Variants in MRPL20 observed in about 807,000 individuals in gnomAD.
MRPL20 encodes the protein large ribosomal subunit protein bL20m.
A neutral mutation model predicts 20.0 loss-of-function variants in MRPL20; 21 were observed. That is an observed-to-expected ratio of 1.05 (90% CI 0.74 to 1.51). The LOEUF (loss-of-function observed/expected upper bound fraction) is 1.51, where lower values mean the gene tolerates loss of function less well. MRPL20 is among the 40% of genes most tolerant of loss of function. The probability of loss-of-function intolerance (pLI) is 0.00; values close to 1 mark genes in which losing one functional copy is unlikely to be tolerated. For missense variants in MRPL20, 252 were observed against 185.6 expected (o/e 1.36, Z -2.08); for synonymous variants, 104 against 73.0 (o/e 1.43, Z -2.17).
rs1344403131 is a variant in MRPL20 at position 1,402,247 on chromosome 1, C to T, written c.286G>A (p.Glu96Lys). ...LIGNLVKCQV[E>K]LNRKVLADLA... Reference sequence around the variant, plus strand: ...TCCGCTAGGACTTTCCTGTTGAGCTCCACCTGGCACTGAAAAAAGAATGAA... The same window carrying T: ...TCCGCTAGGACTTTCCTGTTGAGCTTCACCTGGCACTGAAAAAAGAATGAA... Residue 96 changes from glutamate to lysine, a missense_variant, in exon 4 of 4, where the codon GAG becomes AAG. Physicochemically the swap from Glu to Lys is moderately conservative, Grantham distance 56 (BLOSUM62 1). Transcript: ENST00000344843. The T allele has an allele frequency of 1.9e-6, 3 of 1,608,238 alleles. No individual in the cohort carries two copies. The highest frequency in any genetic ancestry group is 2.5e-6 in the Non-Finnish European group (3 of 1,177,394).
At chr1:1,403,081 A>C (rs1036161463) in intron 3 of MRPL20, among the ~76,000 whole-genome samples, 3 of 150,270 alleles carry the variant, frequency 2.0e-5, no homozygotes, top group Non-Finnish European at 4.4e-5. Context: ...GTGAGCCAAG[A>C]TCGCGCCACT....
chr1:1,402,407 A>C lies in MRPL20; in HGVS notation c.277-151T>G, dbSNP rs1051463839. 8.6e-6 allele frequency: 12 copies of C among 1,396,014 alleles called. No individual in the cohort carries two copies. The Admixed American group carries it at 2.6e-4, about 31-fold the overall frequency. The allele number at this position is 1,396,014 out of a possible 1,614,324, so 86.5% of individuals were successfully genotyped here. A position where few individuals can be genotyped will look rare whatever the true frequency, so the allele number is the denominator to read the frequency against. On this transcript the variant is annotated intron_variant, in intron 3 of 3. Coordinates refer to ENST00000344843, the MANE Select transcript of MRPL20 (RefSeq NM_017971.4). ...GAATCCTATCTGGGTGGCACAGCAG[A>C]GGACTTCCAGGCAGGATGCTGAAGG...
chr1:1,402,660 G>C (rs1422416040), intron 3 of MRPL20: 2 of 976,360 alleles, frequency 2.0e-6, no homozygotes, highest in Non-Finnish European at 2.4e-6. Flanking sequence ...TTAAGGAGTA[G>C]AAAAGGGGGG....
chr1:1,407,011 C>G lies in MRPL20; in HGVS notation c.96G>C (p.Arg32=), dbSNP rs1248059031. ...ACCTGTAGCAGCGATTTTTCCTTCC[C>G]CGGAAGTGCTGGGACAGAAAACGAG... ...QEVLKHARHF[R]GRKNRCYRLA... Residue 32 remains arginine, a synonymous_variant, in exon 2 of 4, where the codon CGG becomes CGC. Coordinates refer to ENST00000344843, the MANE Select transcript of MRPL20 (RefSeq NM_017971.4). The G allele has an allele frequency of 5.6e-6, 9 of 1,613,580 alleles. No homozygotes were observed. In the Admixed American group the frequency reaches 1.3e-4, roughly 24 times the overall value.
At chr1:1,403,867 A>C (rs1026410600) in intron 3 of MRPL20, among the ~76,000 whole-genome samples, 2 of 149,864 alleles carry the variant, frequency 1.3e-5, no homozygotes, top group African/African-American at 2.5e-5. Flanking sequence ...GTTGAGACAC[A>C]GTCACACACT....
chr1:1,402,349 GCACACT>G, intron 3 of MRPL20, 93 bp from the exon 4 acceptor site: 1 of 1,480,294 alleles, frequency 6.8e-7, no homozygotes, highest in Admixed American at 2.4e-5. Context: ...GAACCCAGCT[GCACACT>G]CGCCTGGGGG....
intron 3 of MRPL20, 97 bp from the exon 4 acceptor site, chr1:1,402,353 A>C: frequency 6.8e-7 from 1 of 1,468,270 alleles, no homozygotes; most frequent in Non-Finnish European, 9.0e-7. Context: ...CCAGCTGCAC[A>C]CTCGCCTGGG....
chr1:1,406,133 A>T, intron 2 of MRPL20: 1 of 450,768 alleles, frequency 2.2e-6, no homozygotes, highest in Non-Finnish European at 4.0e-6. Context: ...AGGCAGGCAG[A>T]TCATTTCAGA....
intron 3 of MRPL20, among the ~76,000 whole-genome samples, chr1:1,403,707 G>A (rs1163785139): frequency 6.6e-6 from 1 of 152,038 alleles, no homozygotes; most frequent in East Asian, 1.9e-4. Context: ...AGAGGGACTA[G>A]CATAATGACC....
intron 2 of MRPL20, 133 bp downstream of exon 2, chr1:1,406,776 T>G: frequency 1.3e-6 from 1 of 773,622 alleles, no homozygotes; most frequent in Admixed American, 2.0e-5. Flanking sequence ...ACATAATTTG[T>G]CGGAGTTTCG....
rs1645392877 is a variant in MRPL20, at chr1:1,407,129, A to G, written c.87+2T>C. ...TGCCCAGGCCGGGCAGGCGGCACTC[A>G]CCCTGGCGTGCTTCAGCACCTCCTG... is the stretch of plus-strand genomic sequence containing the variant. On this transcript the variant is annotated splice_donor_variant, in intron 1 of 3. Transcript: ENST00000344843. LOFTEE classifies it high-confidence loss of function. 6.2e-7 allele frequency: 1 copy of G among 1,606,766 alleles called. No homozygotes were observed. Among genetic ancestry groups the G allele is most frequent in the African/African-American group, 1.3e-5 (1 of 74,730 alleles).
chr1:1,406,050 C>G, intron 2 of MRPL20, 164 bp from the exon 3 acceptor site: 1 of 1,103,112 alleles, frequency 9.1e-7, no homozygotes, highest in Middle Eastern at 3.1e-4. Flanking sequence ...GACCCTGTTT[C>G]AAAATTAAAA....
In MRPL20 at chr1:1,403,127, C is replaced by CAAA. The variant is rs113198351; in HGVS notation, c.277-874_277-872dup. ...CTGAGCAACAGAGTGAGATTGTATCCAAAAAAAAAAAGGAACAAAAACACA... is the reference window on the plus strand; with the variant it reads ...CTGAGCAACAGAGTGAGATTGTATCCAAAAAAAAAAAAAAGGAACAAAAACACA... On this transcript the variant is annotated intron_variant, in intron 3 of 3. Coordinates refer to ENST00000344843, the MANE Select transcript of MRPL20 (RefSeq NM_017971.4). Among the ~76,000 whole-genome samples, 57 of 138,484 alleles carry CAAA rather than the reference C, an allele frequency of 4.1e-4. 1 individual carries two copies. The highest frequency in any genetic ancestry group is 1.5e-3 in the African/African-American group (54 of 36,630). 90.9% of individuals were successfully genotyped at this position (138,484 alleles called of 152,430 possible).
At chr1:1,405,419 T>C (rs1645373390) in intron 3 of MRPL20, 2 of 578,446 alleles carry the variant, frequency 3.5e-6, no homozygotes, top group Admixed American at 3.1e-5. Context: ...TGACATTACA[T>C]GTCTCTGTAC....
At chr1:1,404,278 C>G (rs911941181) in intron 3 of MRPL20, among the ~76,000 whole-genome samples, 21 of 151,432 alleles carry the variant, frequency 1.4e-4, no homozygotes, top group African/African-American at 4.9e-4. Flanking sequence ...CTCAGCCTCC[C>G]GAGTAGCTGG....
chr1:1,406,778 G>T (rs1645388705), intron 2 of MRPL20, 131 bp downstream of exon 2: 1 of 785,574 alleles, frequency 1.3e-6, no homozygotes. Flanking sequence ...ATAATTTGTC[G>T]GAGTTTCGAA....
At chr1:1,402,854 C>T (rs895104210) in intron 3 of MRPL20, among the ~76,000 whole-genome samples, 7 of 152,126 alleles carry the variant, frequency 4.6e-5, no homozygotes, top group East Asian at 3.9e-4. Flanking sequence ...CAAGGCCAGG[C>T]GCGGTGGCTC....
chr1:1,406,230 A>G, intron 2 of MRPL20: 2 of 236,400 alleles, frequency 8.5e-6, no homozygotes, highest in South Asian at 1.1e-4. Flanking sequence ...GCACACCTGC[A>G]GTCACAGTTA....
Position 1,402,143 on chromosome 1 carries a change from A to G in MRPL20, c.390T>C (p.Ala130=), listed in dbSNP as rs1044763584. The G allele has an allele frequency of 9.3e-6, 15 of 1,614,054 alleles. No homozygotes were observed. The Admixed American group carries it at 1.2e-4, about 13-fold the overall frequency. ...CAGGTTCCTTCCCATCCCCCAAGGCAGCAGCAAATCCTTCGTGTCGCCTCC... is the reference window on the plus strand; with the variant it reads ...CAGGTTCCTTCCCATCCCCCAAGGCGGCAGCAAATCCTTCGTGTCGCCTCC... ...ASRRRHEGFA[A]ALGDGKEPEG... is the part of the protein sequence containing the mutation. Residue 130 remains alanine (A), a synonymous_variant, in exon 4 of 4, where the codon GCT becomes GCC. Transcript: ENST00000344843.
Sources: allele counts gnomAD v4.1 joint callset (sites outside exome capture counted in the v4.1 genomes callset), GRCh38; gene constraint gnomAD v4.1.1; transcripts MANE v1.5; gene names NCBI Gene and HGNC (gene_info 2026-07-23, HGNC 2026-07-21).